UNC13B: variants seen among roughly 807,000 people sequenced by gnomAD.
The protein encoded by UNC13B is unc-13 homolog B.
UNC13B carries 144 observed loss-of-function variants against 211.0 expected under a neutral mutation model. The observed-to-expected ratio is 0.68, with a 90% CI of 0.60 to 0.78. UNC13B has a LOEUF of 0.78. UNC13B is among the 30% of genes least tolerant of loss of function. UNC13B has a pLI of 0.00. For synonymous variants in UNC13B, 709 were observed against 725.8 expected (o/e 0.98, Z 0.37); for missense variants, 1,777 against 2,002.0 (o/e 0.89, Z 2.14).
intron 11 of UNC13B, among the ~76,000 whole-genome samples, chr9:35,330,395 C>CT (rs1056328155): frequency 6.6e-6 from 1 of 152,216 alleles, no homozygotes; most frequent in African/African-American, 2.4e-5. Context: ...ATTGACACTG[C>CT]TGTTTTTTTG....
At chr9:35,192,690 C>G (rs1307418018) in intron 1 of UNC13B, among the ~76,000 whole-genome samples, 1 of 152,198 alleles carries the variant, frequency 6.6e-6, no homozygotes, top group East Asian at 1.9e-4. Flanking sequence ...ACTAAAAGAG[C>G]TGGGTTGATT....
rs1253930081 is a variant in UNC13B, at chr9:35,351,222, T to C, written c.9415-15725T>C. The C allele has an allele frequency of 5.3e-6, 5 of 950,352 alleles. No homozygotes were observed. The African/African-American group carries it at 8.6e-5, about 16-fold the overall frequency. The allele number at this position is 950,352 out of a possible 1,614,324, so 58.9% of individuals were successfully genotyped here. Reference sequence around the variant, plus strand: ...AGGAGATAATGTTTTTATTCCTGCTTGACAACTTGATTCAAACTAAAATCA... The same window carrying C: ...AGGAGATAATGTTTTTATTCCTGCTCGACAACTTGATTCAAACTAAAATCA... On this transcript the variant is annotated intron_variant, in intron 11 of 39. Transcript: ENST00000635942.
At chr9:35,270,744 G>A (rs1343923494) in intron 7 of UNC13B, among the ~76,000 whole-genome samples, 3 of 152,116 alleles carry the variant, frequency 2.0e-5, no homozygotes, top group African/African-American at 7.2e-5. Flanking sequence ...CACCATTGTA[G>A]AAGTTAATCA....
At chr9:35,376,844 A>G (rs942067453) in intron 15 of UNC13B, among the ~76,000 whole-genome samples, 1 of 152,206 alleles carries the variant, frequency 6.6e-6, no homozygotes, top group African/African-American at 2.4e-5. Context: ...AGGAAAAGCA[A>G]CAAGTTCTTG....
intron 6 of UNC13B, among the ~76,000 whole-genome samples, chr9:35,254,991 T>TA (rs1156455693): frequency 8.6e-6 from 1 of 116,346 alleles, no homozygotes; most frequent in African/African-American, 3.6e-5. Flanking sequence ...TATATGTATA[T>TA]ATTATATTAT....
chr9:35,391,237 T>G (rs1265682643), intron 26 of UNC13B, among the ~76,000 whole-genome samples: 1 of 152,202 alleles, frequency 6.6e-6, no homozygotes. Context: ...TCTTACTCAT[T>G]CAGCTTGTTC....
In UNC13B at chr9:35,404,244, G is replaced by A. The variant is rs1836540485; in HGVS notation, c.*211G>A. ...GCCCAACAGGACTGTGGTACTAGGG[G>A]CTGGGATGTGGGGTTACCACATGGA... On this transcript the variant is annotated 3_prime_UTR_variant, in exon 40 of 40. Coordinates refer to ENST00000635942, the MANE Select transcript of UNC13B (RefSeq NM_001371189.2). The A allele has an allele frequency of 1.6e-6, 1 of 629,110 alleles. No individual in the cohort carries two copies. The highest frequency in any genetic ancestry group is 2.7e-6 in the Non-Finnish European group (1 of 370,206). The allele number at this position is 629,110 out of a possible 1,614,324, so 39.0% of individuals were successfully genotyped here.
chr9:35,382,531 G>A (rs768389509), intron 21 of UNC13B, 24 bp downstream of exon 21: 5 of 1,572,648 alleles, frequency 3.2e-6, no homozygotes, highest in Non-Finnish European at 4.3e-6. Context: ...AAACACATAT[G>A]TCTGCATTTG....
chr9:35,345,191 TAAAC>T (rs1351644836), intron 11 of UNC13B, among the ~76,000 whole-genome samples: 4 of 152,146 alleles, frequency 2.6e-5, no homozygotes, highest in Non-Finnish European at 5.9e-5. Context: ...ATGTGAGTGT[TAAAC>T]AAAAAATTAT....
At chr9:35,203,290 G>A (rs1823430829) in intron 1 of UNC13B, among the ~76,000 whole-genome samples, 1 of 152,186 alleles carries the variant, frequency 6.6e-6, no homozygotes, top group Non-Finnish European at 1.5e-5. Context: ...TGCAGTGGCT[G>A]GTACTGGTTG....
intron 1 of UNC13B, among the ~76,000 whole-genome samples, chr9:35,205,650 A>G (rs1283277781): frequency 1.3e-5 from 2 of 152,232 alleles, no homozygotes; most frequent in African/African-American, 4.8e-5. Flanking sequence ...ATAATATAAT[A>G]TGTAGTCTTT....
At chr9:35,232,941 G>C (rs1015643464) in intron 3 of UNC13B, among the ~76,000 whole-genome samples, 2 of 152,160 alleles carry the variant, frequency 1.3e-5, no homozygotes, top group African/African-American at 2.4e-5. Flanking sequence ...GGAGAGCCAG[G>C]AGATAATGGT....
intron 11 of UNC13B, among the ~76,000 whole-genome samples, chr9:35,365,608 A>G (rs1030747802): frequency 6.6e-6 from 1 of 152,170 alleles, no homozygotes. Context: ...TACCCCTTCC[A>G]TAAGCAACCT....
chr9:35,320,134 C>T (rs1221053273), intron 11 of UNC13B, among the ~76,000 whole-genome samples: 1 of 152,060 alleles, frequency 6.6e-6, no homozygotes, highest in African/African-American at 2.4e-5. Flanking sequence ...TTATCCAGTC[C>T]ACTGTTGATG....
chr9:35,175,497 C>T (rs1161762022), intron 1 of UNC13B, among the ~76,000 whole-genome samples: 1 of 152,032 alleles, frequency 6.6e-6, no homozygotes, highest in Non-Finnish European at 1.5e-5. Context: ...TAGAGTACAG[C>T]GAGTTTCAAG....
chr9:35,273,629 A>G (rs1828014167), intron 7 of UNC13B, among the ~76,000 whole-genome samples: 1 of 152,192 alleles, frequency 6.6e-6, no homozygotes, highest in Non-Finnish European at 1.5e-5. Flanking sequence ...CTGTATATGT[A>G]ACTAGGTATT....
In UNC13B at chr9:35,307,262, G is replaced by A. The variant is rs911252958; in HGVS notation, c.7858G>A (p.Gly2620Arg). ...NTSSFSGDDT[G>R]QGVLSLSDEG... ...ATCTTCTTTCTCGGGTGATGATACT[G>A]GGCAAGGAGTATTGTCTCTGAGTGA... Residue 2620 changes from glycine (G) to arginine (R), a missense_variant, in exon 9 of 40, where the codon GGG becomes AGG. Coordinates refer to ENST00000635942, the MANE Select transcript of UNC13B (RefSeq NM_001371189.2). 2.5e-6 allele frequency: 1 copy of A among 398,800 alleles called. No individual in the cohort carries two copies. 24.7% of individuals were successfully genotyped at this position (398,800 alleles called of 1,614,324 possible). A position where few individuals can be genotyped will look rare whatever the true frequency, so the allele number is the denominator to read the frequency against.
At chr9:35,351,506 C>T in intron 11 of UNC13B, 1 of 1,232,180 alleles carries the variant, frequency 8.1e-7, no homozygotes, top group Non-Finnish European at 1.0e-6. Flanking sequence ...GCAGAGAACC[C>T]CTCAAACCCT....
intron 6 of UNC13B, among the ~76,000 whole-genome samples, chr9:35,255,630 C>A (rs1343148275): frequency 6.6e-6 from 1 of 152,068 alleles, no homozygotes; most frequent in South Asian, 2.1e-4. Context: ...TTGCTATCTT[C>A]TGTTCCTGGG....
Sources: allele counts gnomAD v4.1 joint callset (sites outside exome capture counted in the v4.1 genomes callset), GRCh38; gene constraint gnomAD v4.1.1; transcripts MANE v1.5; gene names NCBI Gene and HGNC (gene_info 2026-07-23, HGNC 2026-07-21).